GPHN: variants seen among roughly 807,000 people sequenced by gnomAD.
The protein encoded by GPHN is gephyrin.
In GPHN, 17 loss-of-function variants were observed where a neutral mutation model predicts 95.5. The observed-to-expected ratio is 0.18, with a 90% CI of 0.12 to 0.27. GPHN has a LOEUF of 0.27. Among genes scored for constraint, GPHN ranks in the 10% least tolerant of loss-of-function variants. GPHN has a pLI of 1.00. For synonymous variants in GPHN, 320 were observed against 322.5 expected (o/e 0.99, Z 0.08); for missense variants, 660 against 978.1 (o/e 0.67, Z 4.34).
chr14:67,645,088 T>G, the GPHN span, among the ~76,000 whole-genome samples: 1 of 148,812 alleles, frequency 6.7e-6, no homozygotes, highest in African/African-American at 2.4e-5. Flanking sequence ...ATTAGGTCTT[T>G]AATGGTTTAC....
intron 4 of GPHN, among the ~76,000 whole-genome samples, chr14:66,865,407 A>C (rs2063186677): frequency 1.3e-5 from 2 of 152,116 alleles, no homozygotes; most frequent in Admixed American, 1.3e-4. Context: ...AAAATTTTTC[A>C]AATTTTTTAA....
chr14:67,619,019 A>G, the GPHN span, among the ~76,000 whole-genome samples: 1 of 152,184 alleles, frequency 6.6e-6, no homozygotes, highest in African/African-American at 2.4e-5. Context: ...GTCTTGGTTA[A>G]GAACTTGGAA....
chr14:66,827,200 A>T (rs1372653195), intron 4 of GPHN, among the ~76,000 whole-genome samples: 1 of 151,890 alleles, frequency 6.6e-6, no homozygotes, highest in African/African-American at 2.4e-5. Context: ...CATGAGAATC[A>T]CTTGAACCTG....
chr14:66,633,178 A>C (rs1465840962), intron 1 of GPHN, among the ~76,000 whole-genome samples: 1 of 152,160 alleles, frequency 6.6e-6, no homozygotes, highest in African/African-American at 2.4e-5. Flanking sequence ...CTTTCTGATT[A>C]GGCCATTTTC....
At chr14:67,687,174 T>C in the GPHN span, among the ~76,000 whole-genome samples, 80 of 152,270 alleles carry the variant, frequency 5.3e-4, no homozygotes, top group African/African-American at 1.8e-3. Flanking sequence ...TAGTCCAAAC[T>C]ACCCTCATTT....
intron 1 of GPHN, among the ~76,000 whole-genome samples, chr14:66,545,503 G>A: frequency 8.1e-6 from 1 of 124,178 alleles, no homozygotes; most frequent in East Asian, 2.8e-4. Context: ...GGCTGGCCGG[G>A]CGGGGAGCTG....
rs551878804 is a variant in GPHN at position 66,812,277 on chromosome 14, T to C, written c.202-12197T>C. ...AATTGCCATCCTCTGCATAGCAGAG[T>C]TTGCAGTTAGGTCTGCCGAAGTCAC... On this transcript the variant is annotated intron_variant, in intron 3 of 22. Coordinates refer to ENST00000478722, the MANE Select transcript of GPHN (RefSeq NM_020806.5). Among the ~76,000 whole-genome samples the C allele has an allele frequency of 1.2e-4, 18 of 152,274 alleles. No individual in the cohort carries two copies. In the East Asian group the frequency reaches 3.5e-3, roughly 29 times the overall value.
At chr14:67,057,735 C>T (rs921886425) in intron 10 of GPHN, among the ~76,000 whole-genome samples, 5 of 151,940 alleles carry the variant, frequency 3.3e-5, no homozygotes, top group African/African-American at 1.2e-4. Context: ...CATTTTCTTA[C>T]CTTTCTGCTG....
chr14:66,683,887 G>T (rs1418276849), intron 2 of GPHN, among the ~76,000 whole-genome samples: 1 of 150,386 alleles, frequency 6.6e-6, no homozygotes, highest in Non-Finnish European at 1.5e-5. Flanking sequence ...CAAGGCAGGA[G>T]AATGGCATGA....
chr14:66,690,499 T>G (rs1046790222), intron 2 of GPHN, among the ~76,000 whole-genome samples: 4 of 152,218 alleles, frequency 2.6e-5, no homozygotes, highest in Non-Finnish European at 5.9e-5. Flanking sequence ...GTATGTGTAT[T>G]CTGCTGCATT....
chr14:67,328,525 T>C, the GPHN span, among the ~76,000 whole-genome samples: 3 of 152,362 alleles, frequency 2.0e-5, no homozygotes, highest in African/African-American at 7.2e-5. Context: ...CCATTGCTTT[T>C]GGTGTTTTAG....
chr14:67,650,014 A>G, the GPHN span: 1 of 152,314 alleles, frequency 6.6e-6, no homozygotes, highest in Admixed American at 6.5e-5. Context: ...GAACTTTGAC[A>G]CAAGTTCTCA....
At chr14:66,774,726 C>A in intron 2 of GPHN, among the ~76,000 whole-genome samples, 1 of 152,078 alleles carries the variant, frequency 6.6e-6, no homozygotes, top group Non-Finnish European at 1.5e-5. Context: ...ATATGATTTC[C>A]ATAATTATAT....
chr14:67,570,208 A>T, the GPHN span: 1 of 325,410 alleles, frequency 3.1e-6, no homozygotes, highest in African/African-American at 2.2e-5. Flanking sequence ...CAAAAATGTG[A>T]ATCAGTATGA....
At chr14:66,723,339 G>A (rs890438506) in intron 2 of GPHN, among the ~76,000 whole-genome samples, 1 of 150,268 alleles carries the variant, frequency 6.7e-6, no homozygotes, top group Non-Finnish European at 1.5e-5. Context: ...ATAACCTTTT[G>A]GTTATAAAAG....
the GPHN span, among the ~76,000 whole-genome samples, chr14:67,430,491 C>A: frequency 9.2e-5 from 14 of 152,328 alleles, no homozygotes; most frequent in African/African-American, 3.4e-4. Context: ...CGTGGGCTCA[C>A]GTGACTTTGC....
chr14:67,175,283 G>T (rs1168344396), intron 21 of GPHN, among the ~76,000 whole-genome samples: 1 of 152,098 alleles, frequency 6.6e-6, no homozygotes, highest in Non-Finnish European at 1.5e-5. Context: ...TCCAGTTTCA[G>T]CTTTCTACTT....
At chr14:67,573,430 A>C in the GPHN span, 204 of 1,152,430 alleles carry the variant, frequency 1.8e-4, no homozygotes, top group African/African-American at 2.7e-3. This position sits in a 1 kb window ranked among gnomAD's most constrained non-coding sequence, Gnocchi z 4.8. Context: ...AGGTCTCCAC[A>C]TCACACCCTG....
chr14:67,631,539 G>C, the GPHN span, among the ~76,000 whole-genome samples: 1 of 146,738 alleles, frequency 6.8e-6, no homozygotes, highest in Non-Finnish European at 1.5e-5. Context: ...AGGTTCAAAC[G>C]ATCCTCCTAC....
Sources: allele counts gnomAD v4.1 joint callset (sites outside exome capture counted in the v4.1 genomes callset), GRCh38; gene constraint gnomAD v4.1.1; non-coding constraint Gnocchi (gnomAD v3.1); transcripts MANE v1.5; gene names NCBI Gene and HGNC (gene_info 2026-07-23, HGNC 2026-07-21).